The following ARHGEF3 variants were observed in gnomAD, a reference collection of about 807,000 sequenced individuals.
ARHGEF3 encodes the protein 59.8 kDA protein.
ARHGEF3 carries 28 observed loss-of-function variants against 63.2 expected under a neutral mutation model. That is an observed-to-expected ratio of 0.44 (90% CI 0.33 to 0.61). The LOEUF is 0.61. ARHGEF3 is among the 20% of genes least tolerant of loss of function. The pLI is 0.03. For missense variants in ARHGEF3, 533 were observed against 659.3 expected (o/e 0.81, Z 2.10); for synonymous variants, 266 against 254.2 (o/e 1.05, Z -0.44).
At chr3:56,978,189 G>A (rs1483029697) in intron 2 of ARHGEF3, among the ~76,000 whole-genome samples, 1 of 152,274 alleles carries the variant, frequency 6.6e-6, no homozygotes, top group East Asian at 1.9e-4. Flanking sequence ...GATGTCACTG[G>A]ACAAAACACC....
upstream of ARHGEF3, among the ~76,000 whole-genome samples, chr3:56,803,938 G>A (rs375111414): frequency 4.0e-5 from 6 of 149,708 alleles, no homozygotes; most frequent in African/African-American, 1.2e-4. Flanking sequence ...AGGCTGGAGT[G>A]TAGTGGCATG....
At chr3:57,051,242 G>A (rs1704655320) in intron 1 of ARHGEF3, among the ~76,000 whole-genome samples, 2 of 152,180 alleles carry the variant, frequency 1.3e-5, no homozygotes, top group African/African-American at 4.8e-5. Flanking sequence ...ATTTAAAAAA[G>A]TGTGGTTTTC....
intron 1 of ARHGEF3, chr3:57,074,522 C>A (rs1000850072): frequency 2.2e-5 from 11 of 504,596 alleles, no homozygotes; most frequent in Non-Finnish European, 2.9e-5. Flanking sequence ...ATACTCTTAG[C>A]CCCCGGGGAA....
chr3:56,949,166 A>G lies in ARHGEF3; in HGVS notation c.129+9657T>C, dbSNP rs1171722620. Among the ~76,000 whole-genome samples the G allele has an allele frequency of 3.3e-5, 5 of 151,954 alleles. No individual in the cohort carries two copies. The East Asian group carries it at 7.7e-4, about 23-fold the overall frequency. ...AGCTATCTATGACAAACCCACAGCC[A>G]ATATCATACTGAATGGGCAAAAACT... On this transcript the variant is annotated intron_variant, in intron 3 of 12. Coordinates refer to the ARHGEF3 transcript ENST00000338458.
At chr3:57,042,686 A>ATTTTTTTTTTT in intron 1 of ARHGEF3, among the ~76,000 whole-genome samples, 1 of 7,660 alleles carries the variant, frequency 1.3e-4, no homozygotes, top group East Asian at 4.6e-3. Flanking sequence ...ATATATATAT[A>ATTTTTTTTTTT]TATATATATA....
At chr3:56,854,883 T>C (rs181554917) in intron 4 of ARHGEF3, among the ~76,000 whole-genome samples, 2 of 152,158 alleles carry the variant, frequency 1.3e-5, no homozygotes, top group African/African-American at 4.8e-5. Context: ...AATTAAGGGA[T>C]GGACACAAGA....
chr3:57,033,578 T>C (rs1357329142), intron 2 of ARHGEF3, among the ~76,000 whole-genome samples: 2 of 151,928 alleles, frequency 1.3e-5, no homozygotes, highest in Non-Finnish European at 2.9e-5. Context: ...GTGACTTTTG[T>C]TCTACGTATC....
At chr3:56,746,357 G>A (rs1435950353) in intron 6 of ARHGEF3, among the ~76,000 whole-genome samples, 4 of 152,220 alleles carry the variant, frequency 2.6e-5, no homozygotes, top group East Asian at 1.9e-4. Flanking sequence ...GACACTCTGT[G>A]TTCTGAATGA....
chr3:57,056,384 C>CAAAAAAAA (rs10666149), intron 1 of ARHGEF3, among the ~76,000 whole-genome samples: 1 of 108,340 alleles, frequency 9.2e-6, no homozygotes, highest in Non-Finnish European at 1.8e-5. Context: ...AAGACTCCAT[C>CAAAAAAAA]AAAAAAAAAA....
chr3:56,873,715 T>G (rs2040503447), intron 4 of ARHGEF3, among the ~76,000 whole-genome samples: 1 of 152,168 alleles, frequency 6.6e-6, no homozygotes, highest in Admixed American at 6.5e-5. Flanking sequence ...TGGCATGAAT[T>G]AACTCATTTT....
chr3:56,844,177 A>T (rs2039408946), intron 4 of ARHGEF3, among the ~76,000 whole-genome samples: 1 of 152,242 alleles, frequency 6.6e-6, no homozygotes. Context: ...TCTATTATGT[A>T]GGATTTTCAG....
chr3:56,923,036 A>G lies in ARHGEF3; in HGVS notation c.129+35787T>C, dbSNP rs1578854059. ...CCCCATCTCTACTAAATATATATAT[A>G]TATATATATATATATATATATATAT... On this transcript the variant is annotated intron_variant, in intron 3 of 12. Coordinates refer to the ARHGEF3 transcript ENST00000338458. Among the ~76,000 whole-genome samples the G allele has an allele frequency of 9.1e-4, 8 of 8,768 alleles. 2 individuals carry two copies. Among genetic ancestry groups the G allele is most frequent in the African/African-American group, 2.5e-3 (7 of 2,846 alleles). The allele number at this position is 8,768 out of a possible 152,430, so 5.8% of individuals were successfully genotyped here. A position where few individuals can be genotyped will look rare whatever the true frequency, so the allele number is the denominator to read the frequency against.
chr3:56,855,070 T>C (rs2039821202), intron 4 of ARHGEF3, among the ~76,000 whole-genome samples: 1 of 151,988 alleles, frequency 6.6e-6, no homozygotes, highest in African/African-American at 2.4e-5. Flanking sequence ...TTGAGTCACT[T>C]ATTCAACACA....
chr3:57,045,311 T>C (rs1229213423), intron 1 of ARHGEF3, among the ~76,000 whole-genome samples: 1 of 152,204 alleles, frequency 6.6e-6, no homozygotes, highest in African/African-American at 2.4e-5. Context: ...AGCCTGTCTC[T>C]CTCTGGGTCT....
intron 1 of ARHGEF3, among the ~76,000 whole-genome samples, chr3:57,047,033 A>G (rs888895190): frequency 3.3e-5 from 5 of 152,222 alleles, no homozygotes; most frequent in African/African-American, 7.2e-5. Flanking sequence ...GAGAAAGCCA[A>G]TGGAGGCCTG....
At chr3:57,024,734 G>A (rs572069811) in intron 2 of ARHGEF3, among the ~76,000 whole-genome samples, 5 of 152,282 alleles carry the variant, frequency 3.3e-5, no homozygotes, top group South Asian at 4.1e-4. Context: ...TGATCCGCCC[G>A]CCTCGGCCTC....
At position 57,051,850 on chromosome 3, in the gene ARHGEF3, G is replaced by T. The variant is rs1212258098; in HGVS notation, c.-27-16674C>A. ...GTGGTGGCGGGAGCCTGTAATCCCA[G>T]CTACTTGGGAGGCTGAGACAGGAGA... On this transcript the variant is annotated intron_variant, in intron 1 of 12. Transcript: ENST00000338458. Among the ~76,000 whole-genome samples, 10 of 152,184 alleles carry T rather than the reference G, an allele frequency of 6.6e-5. No individual in the cohort carries two copies. The South Asian group carries it at 1.9e-3, about 28-fold the overall frequency.
At chr3:57,010,103 C>T (rs1227134637) in intron 2 of ARHGEF3, among the ~76,000 whole-genome samples, 5 of 152,144 alleles carry the variant, frequency 3.3e-5, no homozygotes, top group Admixed American at 6.5e-5. Context: ...AGCACACATA[C>T]CTTAGATATT....
At chr3:57,034,765 TC>T in intron 2 of ARHGEF3, among the ~76,000 whole-genome samples, 1 of 144,654 alleles carries the variant, frequency 6.9e-6, no homozygotes, top group Non-Finnish European at 1.5e-5. Flanking sequence ...CAAACAATCC[TC>T]CCGCCTCAGC....
Sources: gnomAD v4.1 joint callset for allele counts (sites outside exome capture counted in the v4.1 genomes callset) on GRCh38, gnomAD v4.1.1 for gene constraint, MANE v1.5 for transcripts, NCBI Gene and HGNC (gene_info 2026-07-23, HGNC 2026-07-21) for gene names.